Variants in EPHA6 observed in about 807,000 individuals in gnomAD.
EPHA6 encodes the protein ephrin type-A receptor 6.
EPHA6 carries 50 observed loss-of-function variants against 112.0 expected under a neutral mutation model. The ratio of observed to expected loss-of-function variants is 0.45; its 90% confidence interval spans 0.36 to 0.56. The LOEUF is 0.56. EPHA6 is among the 20% of genes least tolerant of loss of function. The probability of loss-of-function intolerance (pLI) is 0.00; values close to 1 mark genes in which losing one functional copy is unlikely to be tolerated. For synonymous variants in EPHA6, 529 were observed against 490.7 expected (o/e 1.08, Z -1.03); for missense variants, 1,280 against 1,417.4 (o/e 0.90, Z 1.56).
intron 14 of EPHA6, among the ~76,000 whole-genome samples, chr3:97,680,085 A>C (rs1000846481): frequency 6.6e-6 from 1 of 152,138 alleles, no homozygotes; most frequent in Non-Finnish European, 1.5e-5. Context: ...GGTCTTATAG[A>C]GTTTTAATGA....
intron 15 of EPHA6, among the ~76,000 whole-genome samples, chr3:97,728,937 C>G (rs1299691840): frequency 6.6e-6 from 1 of 152,030 alleles, no homozygotes; most frequent in East Asian, 1.9e-4. Flanking sequence ...TTTAACAATC[C>G]GTAAAAAGGA....
intron 4 of EPHA6, among the ~76,000 whole-genome samples, chr3:97,230,561 C>T (rs1015809012): frequency 6.6e-6 from 1 of 152,070 alleles, no homozygotes; most frequent in Non-Finnish European, 1.5e-5. Flanking sequence ...GAAGAGCATG[C>T]CATTGTTGCT....
intron 3 of EPHA6, among the ~76,000 whole-genome samples, chr3:97,056,973 A>C (rs981942948): frequency 6.6e-6 from 1 of 152,208 alleles, no homozygotes; most frequent in African/African-American, 2.4e-5. Flanking sequence ...ACTTCCCATA[A>C]GAAAATTTGA....
At chr3:97,101,522 C>G (rs918098616) in intron 3 of EPHA6, among the ~76,000 whole-genome samples, 29 of 151,978 alleles carry the variant, frequency 1.9e-4, no homozygotes, top group African/African-American at 7.0e-4. Flanking sequence ...CCCAGTGTGT[C>G]TCCTCTAAAT....
chr3:97,075,527 T>G (rs1057327897), intron 3 of EPHA6, among the ~76,000 whole-genome samples: 1 of 152,020 alleles, frequency 6.6e-6, no homozygotes, highest in Non-Finnish European at 1.5e-5. Flanking sequence ...ATACTAAAGA[T>G]TTTTCAGCTT....
chr3:96,984,641 GC>G (rs1184733300), intron 2 of EPHA6, among the ~76,000 whole-genome samples: 3 of 152,188 alleles, frequency 2.0e-5, no homozygotes, highest in Non-Finnish European at 4.4e-5. Flanking sequence ...TCTATGCCCT[GC>G]CCCCAGAGGT....
intron 1 of EPHA6, 147 bp downstream of exon 1, chr3:96,815,155 C>G (rs1363039918): frequency 1.4e-6 from 1 of 730,914 alleles, no homozygotes; most frequent in Admixed American, 3.2e-5. Context: ...TGTCCCCTTA[C>G]CCTAGCGCCC....
Position 97,000,262 on chromosome 3 carries a change from AACACACAC to A in EPHA6, c.1114+12293_1114+12300del, listed in dbSNP as rs368625563. 3.6e-5 allele frequency among the ~76,000 whole-genome samples: 5 copies of A among 140,566 alleles called. No individual in the cohort carries two copies. The East Asian group carries it at 8.4e-4, about 24-fold the overall frequency. 92.2% of individuals were successfully genotyped at this position (140,566 alleles called of 152,430 possible). ...TCCAATTACCATGTGTGTATGTATA[AACACACAC>A]ACACACACACACACACACACACATA... On this transcript the variant is annotated intron_variant, in intron 3 of 17. Transcript: ENST00000389672.
At chr3:97,150,909 A>G (rs1027179774) in intron 3 of EPHA6, among the ~76,000 whole-genome samples, 1 of 152,170 alleles carries the variant, frequency 6.6e-6, no homozygotes, top group Non-Finnish European at 1.5e-5. Flanking sequence ...TTTATTGGTT[A>G]AAGTTTAAAC....
chr3:97,495,748 A>T (rs2091960133), intron 10 of EPHA6, among the ~76,000 whole-genome samples: 1 of 151,708 alleles, frequency 6.6e-6, no homozygotes, highest in African/African-American at 2.4e-5. Context: ...ATACTCTCTA[A>T]TTTTCTTCTT....
At chr3:97,574,153 T>A (rs1166566858) in intron 11 of EPHA6, among the ~76,000 whole-genome samples, 1 of 152,282 alleles carries the variant, frequency 6.6e-6, no homozygotes, top group East Asian at 1.9e-4. Context: ...TTGTAATTTC[T>A]TCTTGGAGAA....
chr3:97,674,242 A>C (rs1044147622), intron 14 of EPHA6, among the ~76,000 whole-genome samples: 2 of 152,172 alleles, frequency 1.3e-5, no homozygotes, highest in Non-Finnish European at 2.9e-5. Flanking sequence ...TATTATCTGA[A>C]TTCTACTACC....
At chr3:97,663,271 T>C (rs1181577801) in intron 14 of EPHA6, among the ~76,000 whole-genome samples, 2 of 152,118 alleles carry the variant, frequency 1.3e-5, no homozygotes, top group African/African-American at 4.8e-5. Context: ...TATGTGACTT[T>C]TGTGTGTTTG....
intron 15 of EPHA6, among the ~76,000 whole-genome samples, chr3:97,733,617 G>C (rs1036025235): frequency 3.3e-5 from 5 of 151,982 alleles, no homozygotes; most frequent in African/African-American, 1.2e-4. Flanking sequence ...TATAATTCCT[G>C]CTTTCAGGTA....
chr3:97,363,228 ATATATAT>A lies in EPHA6; in HGVS notation c.1607-41921_1607-41915del, dbSNP rs1223173214. Among the ~76,000 whole-genome samples, 11 of 76,294 alleles carry A rather than the reference ATATATAT, an allele frequency of 1.4e-4. 1 individual carries two copies. The highest frequency in any genetic ancestry group is 1.2e-3 in the Admixed American group (9 of 7,396). 50.1% of individuals were successfully genotyped at this position (76,294 alleles called of 152,430 possible). ...TATATATATATATATATATATATAT[ATATATAT>A]ATAAATCTCAGATGCTACAAAAACT... On this transcript the variant is annotated intron_variant, in intron 5 of 17. Coordinates refer to ENST00000389672, the MANE Select transcript of EPHA6 (RefSeq NM_001080448.3).
intron 10 of EPHA6, among the ~76,000 whole-genome samples, chr3:97,498,462 C>A (rs750057063): frequency 1.3e-5 from 2 of 151,604 alleles, no homozygotes; most frequent in African/African-American, 4.8e-5. Flanking sequence ...AAATAATGGG[C>A]CATTACCTGA....
chr3:96,861,907 T>C (rs1270468009), intron 1 of EPHA6, among the ~76,000 whole-genome samples: 1 of 151,898 alleles, frequency 6.6e-6, no homozygotes, highest in African/African-American at 2.4e-5. Flanking sequence ...GTCAACATAA[T>C]TCAGTGTTGA....
In EPHA6 at chr3:97,311,298, CATT is replaced by C. The variant is rs369833645; in HGVS notation, c.1606+67014_1606+67016del. On this transcript the variant is annotated intron_variant, in intron 5 of 17. Coordinates refer to ENST00000389672, the MANE Select transcript of EPHA6 (RefSeq NM_001080448.3). ...TTCAAATACATCTTTGAAGTTCTGT[CATT>C]ATCCTGTTACATTCCCTCTCTAACC... Among the ~76,000 whole-genome samples the C allele has an allele frequency of 2.9e-3, 433 of 151,614 alleles. 2 individuals carry two copies. The highest frequency in any genetic ancestry group is 9.6e-3 in the African/African-American group (399 of 41,444).
intron 5 of EPHA6, among the ~76,000 whole-genome samples, chr3:97,298,797 A>G (rs556735041): frequency 9.3e-4 from 141 of 152,246 alleles, no homozygotes; most frequent in African/African-American, 3.2e-3. Context: ...AAAAATTCCA[A>G]TCTCTACCAA....
Sources: gnomAD v4.1 joint callset for allele counts (sites outside exome capture counted in the v4.1 genomes callset) on GRCh38, gnomAD v4.1.1 for gene constraint, MANE v1.5 for transcripts, NCBI Gene and HGNC (gene_info 2026-07-23, HGNC 2026-07-21) for gene names.